UGT2B11: variants seen among roughly 807,000 people sequenced by gnomAD.
The protein encoded by UGT2B11 is UDP-glucuronosyltransferase 2B11.
UGT2B11 carries 49 observed loss-of-function variants against 51.7 expected under a neutral mutation model. The ratio of observed to expected loss-of-function variants is 0.95; its 90% CI spans 0.75 to 1.20. The LOEUF is 1.20. Ranked by LOEUF, UGT2B11 falls within the 50% of genes most tolerant of loss-of-function variation. The pLI is 0.00. For missense variants in UGT2B11, 810 were observed against 622.1 expected, an observed-to-expected ratio of 1.30 and a Z score of -3.21; for synonymous variants, 273 against 209.0, an observed-to-expected ratio of 1.31 and a Z score of -2.64.
intron 1 of UGT2B11, among the ~76,000 whole-genome samples, chr4:69,213,610 A>T (rs1722154815): frequency 6.6e-6 from 1 of 151,890 alleles, no homozygotes; most frequent in Non-Finnish European, 1.5e-5. Flanking sequence ...AACTTTCTGC[A>T]GTTACATAGA....
At chr4:69,221,857 TCA>T in the UGT2B11 span, among the ~76,000 whole-genome samples, 2 of 152,232 alleles carry the variant, frequency 1.3e-5, no homozygotes, top group Non-Finnish European at 2.9e-5. Context: ...CCAGGCACAC[TCA>T]GTCCTGTTGC....
intron 2 of UGT2B11, among the ~76,000 whole-genome samples, chr4:69,210,352 T>C (rs1429483354): frequency 1.3e-5 from 2 of 151,642 alleles, no homozygotes; most frequent in Non-Finnish European, 3.0e-5. Flanking sequence ...ACTACGCATT[T>C]TTAAAACACT....
At chr4:69,220,775 G>A in the UGT2B11 span, among the ~76,000 whole-genome samples, 15 of 151,858 alleles carry the variant, frequency 9.9e-5, no homozygotes, top group Non-Finnish European at 2.2e-4. Context: ...TTCCTGACTG[G>A]TTAATGAAAT....
intron 5 of UGT2B11, among the ~76,000 whole-genome samples, chr4:69,202,075 CT>C (rs1395294635): frequency 1.3e-5 from 2 of 151,736 alleles, no homozygotes; most frequent in Non-Finnish European, 2.9e-5. Context: ...ATAATACGTA[CT>C]CAAAAGTGTC....
rs749632567 is a variant in UGT2B11 at position 69,204,534 on chromosome 4, G to A, written c.1206C>T (p.Asn402=). The A allele has an allele frequency of 1.2e-6, 2 of 1,612,336 alleles. No individual in the cohort carries two copies. The highest frequency in any genetic ancestry group is 2.2e-5 in the East Asian group (1 of 44,770). ...GIPLFFDQPD[N]IAHMKAKGAA... is the part of the protein sequence containing the mutation. Reference sequence around the variant, plus strand: ...CTCCCTTGGCCTTCATGTGAGCAATGTTATCAGGTTGATCAAAAAACAATG... The same window carrying A: ...CTCCCTTGGCCTTCATGTGAGCAATATTATCAGGTTGATCAAAAAACAATG... The change falls in exon 5 of 6, where the codon AAC becomes AAT. Residue 402 remains asparagine (N), a synonymous_variant. Transcript: ENST00000446444.
upstream of UGT2B11, chr4:69,216,420 C>A (rs1362992852): frequency 6.6e-6 from 1 of 151,748 alleles, no homozygotes; most frequent in Non-Finnish European, 1.5e-5. Context: ...TGGGATAAAC[C>A]TCAAATTTAA....
At position 69,204,417 on chromosome 4, in the gene UGT2B11, T is replaced by C. The variant is rs1267697869; in HGVS notation, c.1310+13A>G. ...CACAAATACCACCTAGTGAAAAACA[T>C]TGTTCTACTCACAAAGGATCATTAA... On this transcript the variant is annotated intron_variant, in intron 5 of 5. Transcript: ENST00000446444. The C allele has an allele frequency of 2.6e-5, 42 of 1,610,828 alleles. No individual in the cohort carries two copies. The highest frequency in any genetic ancestry group is 3.4e-5 in the Non-Finnish European group (40 of 1,177,946).
chr4:69,202,153 C>G (rs11945946), intron 5 of UGT2B11, among the ~76,000 whole-genome samples: 6,764 of 151,702 alleles, frequency 0.045, 234 homozygotes, highest in East Asian at 0.2. Flanking sequence ...ATTGATAAAC[C>G]ACAGATTATG....
chr4:69,217,494 A>G (rs145455584), upstream of UGT2B11, among the ~76,000 whole-genome samples: 1,096 of 152,200 alleles, frequency 7.2e-3, 12 homozygotes, highest in African/African-American at 0.024. Context: ...TTGGGAATAT[A>G]CAAATTACTT....
intron 3 of UGT2B11, 104 bp downstream of exon 3, chr4:69,208,247 G>A (rs1721930566): frequency 1.3e-6 from 2 of 1,563,350 alleles, no homozygotes; most frequent in Non-Finnish European, 1.7e-6. Context: ...GATGTATTTG[G>A]ATGTAAAGAG....
At chr4:69,214,824 G>GT (rs1327998647), upstream of UGT2B11, 34 of 1,507,330 alleles carry the variant, frequency 2.3e-5, no homozygotes, top group Non-Finnish European at 3.0e-5. Flanking sequence ...CCAATCCAAA[G>GT]TAAATATATT....
At position 69,204,615 on chromosome 4, in the gene UGT2B11, A is replaced by T. The variant is rs762992458; in HGVS notation, c.1125T>A (p.Gly375=). 3.7e-6 allele frequency: 6 copies of T among 1,611,938 alleles called. No individual in the cohort carries two copies. In the South Asian group the frequency reaches 5.5e-5, roughly 15 times the overall value. ...HPKTRAFITH[G]GANGIYEAIY... ...TTGCCTCATAGATGCCATTGGCTCCACCATGAGTTATAAAAGCTCTGGTTT... is the reference window on the plus strand; with the variant it reads ...TTGCCTCATAGATGCCATTGGCTCCTCCATGAGTTATAAAAGCTCTGGTTT... Residue 375 remains glycine, a synonymous_variant, in exon 5 of 6, where the codon GGT becomes GGA. Transcript: ENST00000446444.
intron 4 of UGT2B11, 62 bp from the exon 5 acceptor site, chr4:69,204,711 G>A: frequency 6.2e-7 from 1 of 1,607,580 alleles, no homozygotes; most frequent in Non-Finnish European, 8.5e-7. Flanking sequence ...CACAATGAAA[G>A]GTTCTGAAAG....
At chr4:69,205,234 T>C (rs1170177705) in intron 4 of UGT2B11, among the ~76,000 whole-genome samples, 4 of 151,796 alleles carry the variant, frequency 2.6e-5, no homozygotes, top group Admixed American at 6.6e-5. Flanking sequence ...CAGGAAGATA[T>C]TGAAAAATTC....
the UGT2B11 span, among the ~76,000 whole-genome samples, chr4:69,224,431 C>A: frequency 6.6e-6 from 1 of 152,004 alleles, no homozygotes; most frequent in African/African-American, 2.4e-5. Flanking sequence ...TTCCCAGACC[C>A]AGAGGGTCAG....
Position 69,214,166 on chromosome 4 carries a change from C to A in UGT2B11, c.557G>T (p.Gly186Val), listed in dbSNP as rs200374868. ...PGYTIERHSG[G>V]LIFPPSYIPI... ...TATGTAGGAAGGAGGGAAAATCAGT[C>A]CTCCACTGTGCCTTTCAATTGTGTA... Residue 186 changes from glycine (G) to valine (V), a missense_variant, in exon 1 of 6, where the codon GGA becomes GTA. Physicochemically the swap from Gly to Val is moderately radical, Grantham distance 109. Transcript: ENST00000446444. 3.7e-6 allele frequency: 6 copies of A among 1,612,788 alleles called. No homozygotes were observed. The highest frequency in any genetic ancestry group is 4.2e-6 in the Non-Finnish European group (5 of 1,179,296).
chr4:69,221,537 GTAGA>G, the UGT2B11 span, among the ~76,000 whole-genome samples: 1 of 152,260 alleles, frequency 6.6e-6, no homozygotes, highest in Non-Finnish European at 1.5e-5. Flanking sequence ...CCATATTCAT[GTAGA>G]TAATGGCCCC....
intron 3 of UGT2B11, among the ~76,000 whole-genome samples, chr4:69,208,147 G>T (rs1162515305): frequency 6.6e-6 from 1 of 151,364 alleles, no homozygotes; most frequent in Non-Finnish European, 1.5e-5. Context: ...GAATACCAAG[G>T]GTAGTAACTC....
At chr4:69,214,892 T>C (rs1305956368), upstream of UGT2B11, 2 of 1,055,992 alleles carry the variant, frequency 1.9e-6, no homozygotes, top group Non-Finnish European at 2.7e-6. Context: ...GATTACTTCA[T>C]ATTTACTCAA....
Sources: gnomAD v4.1 joint callset for allele counts (sites outside exome capture counted in the v4.1 genomes callset) on GRCh38, gnomAD v4.1.1 for gene constraint, MANE v1.5 for transcripts, NCBI Gene and HGNC (gene_info 2026-07-23, HGNC 2026-07-21) for gene names.